CELF2: variants seen among roughly 807,000 people sequenced by gnomAD.
CELF2 encodes the protein CUG triplet repeat RNA-binding protein 2.
A neutral mutation model predicts 62.6 loss-of-function variants in CELF2; 8 were observed. The ratio of observed to expected loss-of-function variants is 0.13; its 90% confidence interval spans 0.07 to 0.23. The LOEUF (loss-of-function observed/expected upper bound fraction) is 0.23. Among genes scored for constraint, CELF2 ranks in the 10% least tolerant of loss-of-function variants. The pLI is 1.00. For synonymous variants in CELF2, 258 were observed against 250.0 expected, an observed-to-expected ratio of 1.03 and a Z score of -0.30; for missense variants, 333 against 671.0, an observed-to-expected ratio of 0.50 and a Z score of 5.56.
Position 11,319,083 on chromosome 10 carries a change from T to C in CELF2, c.1097-2106T>C, listed in dbSNP as rs763766419. On this transcript the variant is annotated intron_variant, in intron 10 of 12. Transcript: ENST00000633077. This position sits in a 1 kb window ranked among gnomAD's most constrained non-coding sequence, Gnocchi z 4.4. ...GAGGCACACCCAGAACCTCATGCCT[T>C]GAGATCCAAGCAGAGCGGCGAGTCG... 1.3e-5 allele frequency: 6 copies of C among 470,290 alleles called. No homozygotes were observed. Among genetic ancestry groups the C allele is most frequent in the Non-Finnish European group, 2.6e-5 (6 of 227,050 alleles). The allele number at this position is 470,290 out of a possible 1,614,324, so 29.1% of individuals were successfully genotyped here. A position where few individuals can be genotyped will look rare whatever the true frequency, so the allele number is the denominator to read the frequency against.
the CELF2 span, among the ~76,000 whole-genome samples, chr10:10,738,106 A>G: frequency 6.6e-6 from 1 of 152,136 alleles, no homozygotes; most frequent in South Asian, 2.1e-4. Flanking sequence ...CTACAGGTCA[A>G]ATTCCCTGCT....
At chr10:11,066,433 G>T (rs561257784) in intron 1 of CELF2, among the ~76,000 whole-genome samples, 1 of 152,030 alleles carries the variant, frequency 6.6e-6, no homozygotes, top group South Asian at 2.1e-4. Context: ...GGGAGGACCC[G>T]GAGACTGGGA....
intron 1 of CELF2, among the ~76,000 whole-genome samples, chr10:10,800,538 A>G (rs2054557658): frequency 6.6e-6 from 1 of 152,146 alleles, no homozygotes; most frequent in South Asian, 2.1e-4. Context: ...TTTTTAGTAG[A>G]GACAGAGTTT....
intron 2 of CELF2, among the ~76,000 whole-genome samples, chr10:11,170,498 G>C (rs2068519186): frequency 6.6e-6 from 1 of 152,218 alleles, no homozygotes; most frequent in South Asian, 2.1e-4. Flanking sequence ...CCTGATGGTT[G>C]TGGACTGTTT....
At chr10:11,099,768 C>T (rs1291824) in intron 1 of CELF2, among the ~76,000 whole-genome samples, 101,307 of 151,732 alleles carry the variant, frequency 0.67, 35,797 homozygotes, top group African/African-American at 0.9. Context: ...GAATCTTTCT[C>T]GTAAAGTGGT....
the CELF2 span, among the ~76,000 whole-genome samples, chr10:10,608,624 T>C: frequency 1.3e-5 from 2 of 152,048 alleles, no homozygotes; most frequent in Non-Finnish European, 2.9e-5. Flanking sequence ...ATGGATGAAA[T>C]GAAAGCAAAT....
chr10:11,209,432 C>A (rs2061243967), intron 2 of CELF2, among the ~76,000 whole-genome samples: 1 of 152,042 alleles, frequency 6.6e-6, no homozygotes, highest in Non-Finnish European at 1.5e-5. Context: ...AAAAGGGCTA[C>A]ATGGGTGACC....
the CELF2 span, among the ~76,000 whole-genome samples, chr10:10,712,503 T>G: frequency 2.6e-5 from 4 of 152,158 alleles, no homozygotes; most frequent in Admixed American, 2.0e-4. Context: ...ATTGCAAGGT[T>G]TATAGGCCCT....
At chr10:10,723,135 T>C in the CELF2 span, among the ~76,000 whole-genome samples, 15 of 152,350 alleles carry the variant, frequency 9.8e-5, no homozygotes, top group East Asian at 2.7e-3. Context: ...CTGTAGTCAA[T>C]CGGAAATATG....
the CELF2 span, among the ~76,000 whole-genome samples, chr10:10,774,889 T>TAA: frequency 7.7e-4 from 116 of 150,102 alleles, 1 homozygote; most frequent in African/African-American, 2.7e-3. Context: ...ATTTATTTTT[T>TAA]TTTTTTTGAG....
At position 11,313,333 on chromosome 10, in the gene CELF2, G is replaced by A. The variant is rs1413204521; in HGVS notation, c.977-806G>A. 4.6e-5 allele frequency among the ~76,000 whole-genome samples: 7 copies of A among 152,270 alleles called. No individual in the cohort carries two copies. In the East Asian group the frequency reaches 7.7e-4, roughly 17 times the overall value. The stretch of plus-strand genomic sequence containing the variant: ...TTTACATGGAGTTGGAATGACAGAC[G>A]TTCACATGCTTCTTCCAGTAACTGA... On this transcript the variant is annotated intron_variant, in intron 9 of 12. Coordinates refer to ENST00000633077, the MANE Select transcript of CELF2 (RefSeq NM_001326342.2).
chr10:11,197,070 G>A (rs929407772), intron 2 of CELF2, among the ~76,000 whole-genome samples: 27 of 78,108 alleles, frequency 3.5e-4, no homozygotes, highest in East Asian at 1.3e-3. Context: ...AAGAAAGAAA[G>A]GAAAGAAAGA....
In CELF2 at chr10:11,165,293, C is replaced by A; in HGVS notation, c.75-193C>A. On this transcript the variant is annotated intron_variant, in intron 1 of 12. Transcript: ENST00000633077. The surrounding 1 kb of genome is among the most constrained non-coding windows in gnomAD (Gnocchi z 7.4). ...CGACAGCAGCACGCAGTGAGAGCCT[C>A]GCCGCCGCCGAGGAGCAACTCATGG... The A allele has an allele frequency of 7.1e-7, 1 of 1,400,226 alleles. No homozygotes were observed. The highest frequency in any genetic ancestry group is 9.3e-7 in the Non-Finnish European group (1 of 1,078,998). 86.7% of individuals were successfully genotyped at this position (1,400,226 alleles called of 1,614,324 possible).
the CELF2 span, among the ~76,000 whole-genome samples, chr10:10,612,741 G>A: frequency 6.6e-6 from 1 of 152,118 alleles, no homozygotes; most frequent in Non-Finnish European, 1.5e-5. Context: ...GCTCCCATTT[G>A]GAGCCACCAC....
chr10:11,286,080 G>A (rs2091218655), intron 8 of CELF2, among the ~76,000 whole-genome samples: 1 of 152,236 alleles, frequency 6.6e-6, no homozygotes, highest in Non-Finnish European at 1.5e-5. Flanking sequence ...TGTCTCCTTA[G>A]GAGGAGGCTA....
chr10:11,080,979 T>C (rs1049240332), intron 1 of CELF2, among the ~76,000 whole-genome samples: 9 of 152,232 alleles, frequency 5.9e-5, no homozygotes, highest in African/African-American at 2.2e-4. Flanking sequence ...TGAATTAGTC[T>C]GGTGTTCCTT....
chr10:10,490,570 G>C, the CELF2 span, among the ~76,000 whole-genome samples: 614 of 33,914 alleles, frequency 0.018, 3 homozygotes, highest in African/African-American at 0.056. Context: ...TATCTGGTTG[G>C]GGGGGGGTGG....
At chr10:10,616,319 T>A in the CELF2 span, among the ~76,000 whole-genome samples, 1 of 145,218 alleles carries the variant, frequency 6.9e-6, no homozygotes, top group Non-Finnish European at 1.5e-5. Context: ...TGTGTGTGTG[T>A]GTGTGTGTGT....
At chr10:11,068,850 G>A (rs146348110) in intron 1 of CELF2, among the ~76,000 whole-genome samples, 13 of 152,252 alleles carry the variant, frequency 8.5e-5, no homozygotes, top group Middle Eastern at 3.4e-3. Context: ...GTGAGCCACC[G>A]CACCCGGCCT....
Sources: gnomAD v4.1 joint callset for allele counts (sites outside exome capture counted in the v4.1 genomes callset) on GRCh38, gnomAD v4.1.1 for gene constraint, Gnocchi (gnomAD v3.1) non-coding constraint, MANE v1.5 for transcripts, NCBI Gene and HGNC (gene_info 2026-07-23, HGNC 2026-07-21) for gene names.